Variants in MRPL48 observed in about 807,000 individuals in gnomAD.
The protein encoded by MRPL48 is large ribosomal subunit protein mL48.
Under a neutral mutation model 32.9 loss-of-function variants are expected in MRPL48, and 16 were observed. The observed-to-expected ratio is 0.49, with a 90% confidence interval of 0.33 to 0.74. MRPL48 has a LOEUF of 0.74. Among genes scored for constraint, MRPL48 ranks in the 30% least tolerant of loss-of-function variants. The pLI, the probability that MRPL48 is intolerant of heterozygous loss-of-function variation, is 0.02. For synonymous variants in MRPL48, 94 were observed against 89.2 expected (o/e 1.05, Z -0.31); for missense variants, 206 against 245.3 (o/e 0.84, Z 1.07).
At chr11:73,817,283 G>T (rs1235092329) in intron 3 of MRPL48, among the ~76,000 whole-genome samples, 2 of 152,158 alleles carry the variant, frequency 1.3e-5, no homozygotes, top group Non-Finnish European at 2.9e-5. Flanking sequence ...TTGTTACCAA[G>T]ATTTTGCAAT....
intron 4 of MRPL48, chr11:73,832,240 C>T (rs1948009974): frequency 6.6e-6 from 1 of 152,084 alleles, no homozygotes; most frequent in South Asian, 2.1e-4. Context: ...GCAGAATGGC[C>T]CCTAGGAATC....
chr11:73,818,409 CGTG>C, intron 3 of MRPL48, among the ~76,000 whole-genome samples: 1 of 152,142 alleles, frequency 6.6e-6, no homozygotes, highest in South Asian at 2.1e-4. Context: ...AGCAGAGAAG[CGTG>C]GTATTTTCAG....
chr11:73,857,287 C>T lies in MRPL48; in HGVS notation c.372-2620C>T, dbSNP rs147256550. On this transcript the variant is annotated intron_variant, in intron 5 of 7. Transcript: ENST00000310614. ...TAGGGACTACAGGCGCTCACCACCA[C>T]GCCCAGCTAATTTTTTGTATTTTTA... Among the ~76,000 whole-genome samples, 734 of 152,026 alleles carry T rather than the reference C, an allele frequency of 4.8e-3. 4 individuals are homozygous for T. The highest frequency in any genetic ancestry group is 0.017 in the African/African-American group (685 of 41,478).
intron 4 of MRPL48, among the ~76,000 whole-genome samples, chr11:73,831,518 A>G (rs979340145): frequency 3.3e-5 from 5 of 152,070 alleles, no homozygotes; most frequent in Non-Finnish European, 7.4e-5. Flanking sequence ...GAGTGATCAT[A>G]TTTTAGAGCG....
intron 6 of MRPL48, among the ~76,000 whole-genome samples, chr11:73,861,783 G>GT (rs1394419569): frequency 6.6e-6 from 1 of 152,160 alleles, no homozygotes; most frequent in Non-Finnish European, 1.5e-5. Flanking sequence ...GTTTAGTCTT[G>GT]TTTTTCTTCA....
At chr11:73,825,640 T>A in intron 3 of MRPL48, 68 bp from the exon 4 acceptor site, 1 of 1,374,228 alleles carries the variant, frequency 7.3e-7, no homozygotes, top group Non-Finnish European at 1.0e-6. Flanking sequence ...AGCAAGACCC[T>A]GTCTCTTAAA....
chr11:73,848,351 T>G (rs531620719), intron 5 of MRPL48, among the ~76,000 whole-genome samples: 1 of 152,294 alleles, frequency 6.6e-6, no homozygotes, highest in African/African-American at 2.4e-5. Context: ...ACCCACTGTC[T>G]TGATTAGTGT....
At chr11:73,795,753 G>A (rs901469144) in intron 1 of MRPL48, among the ~76,000 whole-genome samples, 2 of 151,484 alleles carry the variant, frequency 1.3e-5, no homozygotes, top group African/African-American at 4.8e-5. Context: ...TGATCCACCC[G>A]CCTCAGCCTC....
At chr11:73,816,108 C>G (rs1947665908) in intron 3 of MRPL48, among the ~76,000 whole-genome samples, 1 of 151,840 alleles carries the variant, frequency 6.6e-6, no homozygotes, top group African/African-American at 2.4e-5. Flanking sequence ...GTCGCCCAGG[C>G]TGGAGTGCAG....
At chr11:73,830,776 G>C (rs931735928) in intron 4 of MRPL48, among the ~76,000 whole-genome samples, 3 of 151,302 alleles carry the variant, frequency 2.0e-5, no homozygotes, top group Non-Finnish European at 3.0e-5. Flanking sequence ...TATGACTTAC[G>C]CATCTTGGGA....
intron 1 of MRPL48, among the ~76,000 whole-genome samples, chr11:73,794,884 A>C (rs1230870504): frequency 1.4e-5 from 2 of 145,950 alleles, no homozygotes; most frequent in Non-Finnish European, 3.0e-5. Context: ...AGCTGGGATA[A>C]CAGGCATGCA....
chr11:73,800,049 C>T (rs931357503), intron 1 of MRPL48, among the ~76,000 whole-genome samples: 2 of 151,532 alleles, frequency 1.3e-5, no homozygotes, highest in South Asian at 4.2e-4. Flanking sequence ...ACTTTTTTTT[C>T]CTGTGTAAAA....
intron 5 of MRPL48, among the ~76,000 whole-genome samples, chr11:73,847,766 G>C (rs1948320964): frequency 6.6e-6 from 1 of 152,006 alleles, no homozygotes; most frequent in Admixed American, 6.6e-5. Context: ...TTTTAATAGA[G>C]ATGGGATTTC....
intron 2 of MRPL48, among the ~76,000 whole-genome samples, chr11:73,806,946 T>G (rs1947464877): frequency 6.6e-6 from 1 of 152,164 alleles, no homozygotes; most frequent in South Asian, 2.1e-4. Flanking sequence ...CTCAGTTCAC[T>G]GCAACCTCTA....
intron 6 of MRPL48, among the ~76,000 whole-genome samples, chr11:73,861,409 G>A (rs1333206319): frequency 6.6e-6 from 1 of 152,016 alleles, no homozygotes; most frequent in African/African-American, 2.4e-5. Context: ...CACCCTTGCT[G>A]CCCAGGCTGG....
chr11:73,826,981 G>T (rs1020121113), intron 4 of MRPL48, among the ~76,000 whole-genome samples: 14 of 150,926 alleles, frequency 9.3e-5, no homozygotes, highest in African/African-American at 3.4e-4. Context: ...TCTCCATGTT[G>T]GCCAGGCTGG....
At chr11:73,838,537 C>T (rs556714884) in intron 4 of MRPL48, among the ~76,000 whole-genome samples, 1 of 152,314 alleles carries the variant, frequency 6.6e-6, no homozygotes, top group East Asian at 1.9e-4. Context: ...AGAAGCTCCT[C>T]CCCTCTCTGC....
At chr11:73,823,661 T>TG (rs1350462508) in intron 3 of MRPL48, among the ~76,000 whole-genome samples, 1 of 149,538 alleles carries the variant, frequency 6.7e-6, no homozygotes, top group East Asian at 1.9e-4. Context: ...TCTGTTTTTT[T>TG]TTTTTTTTTT....
At chr11:73,859,819 C>T in intron 5 of MRPL48, 88 bp from the exon 6 acceptor site, 1 of 1,069,612 alleles carries the variant, frequency 9.3e-7, no homozygotes. Flanking sequence ...TATTGCATGC[C>T]ATAGTGGCTA....
Sources: gnomAD v4.1 joint callset for allele counts (sites outside exome capture counted in the v4.1 genomes callset) on GRCh38, gnomAD v4.1.1 for gene constraint, MANE v1.5 for transcripts, NCBI Gene and HGNC (gene_info 2026-07-23, HGNC 2026-07-21) for gene names.